Variants in MAPKAP1 observed in about 807,000 individuals in gnomAD.
MAPKAP1 encodes target of rapamycin complex 2 subunit MAPKAP1.
MAPKAP1 carries 20 observed loss-of-function variants against 65.7 expected under a neutral mutation model. That is an observed-to-expected ratio of 0.30 (90% CI 0.21 to 0.44). The LOEUF (loss-of-function observed/expected upper bound fraction) is 0.44, where lower values mean the gene tolerates loss of function less well. MAPKAP1 is among the 20% of genes least tolerant of loss of function. MAPKAP1 has a pLI of 1.00. For synonymous variants in MAPKAP1, 222 were observed against 244.3 expected, an observed-to-expected ratio of 0.91 and a Z score of 0.85; for missense variants, 423 against 648.0, an observed-to-expected ratio of 0.65 and a Z score of 3.77.
intron 3 of MAPKAP1, among the ~76,000 whole-genome samples, chr9:125,662,275 G>A (rs1345430881): frequency 1.3e-5 from 2 of 152,162 alleles, no homozygotes; most frequent in Non-Finnish European, 2.9e-5. Context: ...CCAGCTGCTT[G>A]GGAGGCTGAG....
intron 4 of MAPKAP1, among the ~76,000 whole-genome samples, chr9:125,621,590 A>C (rs1013311963): frequency 3.9e-5 from 6 of 152,226 alleles, no homozygotes; most frequent in Non-Finnish European, 5.9e-5. Context: ...AGGATGTTTC[A>C]ATCAACTGAA....
intron 5 of MAPKAP1, among the ~76,000 whole-genome samples, chr9:125,581,923 T>C (rs1831638636): frequency 4.6e-5 from 7 of 152,204 alleles, no homozygotes; most frequent in Admixed American, 4.6e-4. Context: ...TCTTCAGTTC[T>C]GGGAAATTCT....
chr9:125,520,739 A>G (rs970082119), intron 7 of MAPKAP1, among the ~76,000 whole-genome samples: 5 of 152,220 alleles, frequency 3.3e-5, no homozygotes, highest in African/African-American at 4.8e-5. Context: ...CTGCTTAGTT[A>G]CCATCCTACC....
At chr9:125,513,566 C>G (rs1415883005) in intron 7 of MAPKAP1, among the ~76,000 whole-genome samples, 2 of 152,192 alleles carry the variant, frequency 1.3e-5, no homozygotes, top group Non-Finnish European at 2.9e-5. Flanking sequence ...GGAATTTAAA[C>G]TCATCTGTAA....
chr9:125,491,098 C>T (rs996452128), intron 8 of MAPKAP1, among the ~76,000 whole-genome samples: 10 of 150,432 alleles, frequency 6.6e-5, no homozygotes, highest in Admixed American at 1.3e-4. Flanking sequence ...TGAGATTACA[C>T]CACTGCACTC....
At chr9:125,657,620 C>T (rs1173349844) in intron 4 of MAPKAP1, 31 bp downstream of exon 4, 1 of 1,571,188 alleles carries the variant, frequency 6.4e-7, no homozygotes, top group Admixed American at 1.9e-5. Context: ...TACAGTTTTA[C>T]TTAAAGGGAC....
In MAPKAP1 at chr9:125,673,758, A is replaced by T. The variant is rs115870661; in HGVS notation, c.-69-1115T>A. 4.8e-3 allele frequency among the ~76,000 whole-genome samples: 733 copies of T among 151,644 alleles called. 4 individuals carry two copies. Among genetic ancestry groups the T allele is most frequent in the African/African-American group, 0.017 (691 of 41,408 alleles). ...AACACAATCAAAACTCTATCTCTAC[A>T]AAAATATATATATATAATAATTATT... On this transcript the variant is annotated intron_variant, in intron 1 of 11. Transcript: ENST00000265960.
Position 125,439,591 on chromosome 9 carries a change from C to T in MAPKAP1, c.1444-579G>A, listed in dbSNP as rs147300761. Among the ~76,000 whole-genome samples the T allele has an allele frequency of 5.8e-4, 89 of 152,290 alleles. 2 individuals carry two copies. In the East Asian group the frequency reaches 8.7e-3, roughly 15 times the overall value. ...AGGGAGGCCAAAGTGGCCTAGGCCACGTGGAAGTCAGGGTGAGAGCTGTGA... is the reference window on the plus strand; with the variant it reads ...AGGGAGGCCAAAGTGGCCTAGGCCATGTGGAAGTCAGGGTGAGAGCTGTGA... On this transcript the variant is annotated intron_variant, in intron 11 of 11. Coordinates refer to ENST00000265960, the MANE Select transcript of MAPKAP1 (RefSeq NM_001006617.3). The surrounding 1 kb of genome is among the most constrained non-coding windows in gnomAD (Gnocchi z 4.0).
At chr9:125,484,355 C>T in intron 9 of MAPKAP1, 88 bp downstream of exon 9, 1 of 1,294,750 alleles carries the variant, frequency 7.7e-7, no homozygotes, top group Non-Finnish European at 1.0e-6. Flanking sequence ...TCATTCAGGT[C>T]ACATAAAAGT....
At chr9:125,468,158 G>A (rs777057402) in intron 9 of MAPKAP1, 49 bp from the exon 10 acceptor site, 1 of 1,584,640 alleles carries the variant, frequency 6.3e-7, no homozygotes, top group Admixed American at 1.8e-5. Context: ...AGTAGAAGGT[G>A]TAAGTGATTT....
intron 8 of MAPKAP1, among the ~76,000 whole-genome samples, chr9:125,490,690 T>C (rs935119902): frequency 3.9e-5 from 6 of 152,254 alleles, no homozygotes; most frequent in African/African-American, 1.4e-4. Flanking sequence ...AACATATCTG[T>C]GTCAGGCCAA....
intron 4 of MAPKAP1, among the ~76,000 whole-genome samples, chr9:125,601,432 C>T (rs998619108): frequency 6.6e-6 from 1 of 152,130 alleles, no homozygotes; most frequent in African/African-American, 2.4e-5. Context: ...AAAAAATCCA[C>T]AAATTTCTAT....
At chr9:125,507,232 T>C (rs7865246) in intron 7 of MAPKAP1, among the ~76,000 whole-genome samples, 75,637 of 152,106 alleles carry the variant, frequency 0.5, 19,268 homozygotes, top group African/African-American at 0.62. Flanking sequence ...TCAACCCAAA[T>C]GACAATCTTG....
intron 4 of MAPKAP1, among the ~76,000 whole-genome samples, chr9:125,598,914 C>T (rs1246331907): frequency 6.6e-6 from 1 of 151,908 alleles, no homozygotes; most frequent in South Asian, 2.1e-4. Context: ...GTGGCAGGCA[C>T]CTGTACTCCC....
intron 10 of MAPKAP1, among the ~76,000 whole-genome samples, chr9:125,444,799 C>T (rs1194438608): frequency 1.3e-5 from 2 of 152,104 alleles, no homozygotes; most frequent in Non-Finnish European, 2.9e-5. Flanking sequence ...ACTCAACAGC[C>T]AGTTAGGTCC....
At position 125,595,672 on chromosome 9, in the gene MAPKAP1, T is replaced by C; in HGVS notation, c.499-9945A>G. On this transcript the variant is annotated intron_variant, in intron 4 of 11. Coordinates refer to ENST00000265960, the MANE Select transcript of MAPKAP1 (RefSeq NM_001006617.3). This position sits in a 1 kb window ranked among gnomAD's most constrained non-coding sequence, Gnocchi z 4.0. ...AAAGTCTCTCTTCTCCCTGCCGTCC[T>C]AAGTCAGAGTCTCCTAAAGAGCCGG... 1 of 1,525,234 alleles carries C rather than the reference T, an allele frequency of 6.6e-7. No homozygotes were observed. Among genetic ancestry groups the C allele is most frequent in the South Asian group, 1.2e-5 (1 of 81,254 alleles). The allele number at this position is 1,525,234 out of a possible 1,614,324, so 94.5% of individuals were successfully genotyped here.
At chr9:125,685,076 T>C (rs920035103) in intron 1 of MAPKAP1, among the ~76,000 whole-genome samples, 6 of 152,266 alleles carry the variant, frequency 3.9e-5, no homozygotes, top group African/African-American at 1.4e-4. Flanking sequence ...TTGTTGATTT[T>C]ACTCATTCAA....
At chr9:125,664,628 G>C (rs891117071) in intron 3 of MAPKAP1, among the ~76,000 whole-genome samples, 1 of 142,314 alleles carries the variant, frequency 7.0e-6, no homozygotes, top group Non-Finnish European at 1.5e-5. Context: ...GGGAGGCTGA[G>C]GCAGGAGAAT....
At chr9:125,616,227 T>A (rs1832744585) in intron 4 of MAPKAP1, among the ~76,000 whole-genome samples, 1 of 152,064 alleles carries the variant, frequency 6.6e-6, no homozygotes, top group South Asian at 2.1e-4. Flanking sequence ...ATGCAAAAAA[T>A]CAGTTCCAGA....
Sources: gnomAD v4.1 joint callset for allele counts (sites outside exome capture counted in the v4.1 genomes callset) on GRCh38, gnomAD v4.1.1 for gene constraint, Gnocchi (gnomAD v3.1) non-coding constraint, MANE v1.5 for transcripts, NCBI Gene and HGNC (gene_info 2026-07-23, HGNC 2026-07-21) for gene names.